Variants in KCTD1 observed in about 807,000 individuals in gnomAD.
KCTD1 encodes the protein potassium channel tetramerization domain containing 1, also known as BTB/POZ domain-containing protein KCTD1.
Under a neutral mutation model 66.0 loss-of-function variants are expected in KCTD1, and 24 were observed. The ratio of observed to expected loss-of-function variants is 0.36; its 90% confidence interval spans 0.26 to 0.51. The LOEUF is 0.51. KCTD1 is among the 20% of genes least tolerant of loss of function. KCTD1 has a pLI of 0.95. For synonymous variants in KCTD1, 511 were observed against 517.2 expected (o/e 0.99, Z 0.16); for missense variants, 943 against 1,205.2 (o/e 0.78, Z 3.22).
intron 1 of KCTD1, among the ~76,000 whole-genome samples, chr18:26,612,242 C>G (rs1987153834): frequency 6.6e-6 from 1 of 152,114 alleles, no homozygotes; most frequent in African/African-American, 2.4e-5. Flanking sequence ...ACTCTGGCAG[C>G]CTTGGTGTCC....
chr18:26,476,834 C>T lies in KCTD1; in HGVS notation c.1989-175G>A. On this transcript the variant is annotated intron_variant, in intron 2 of 4. Transcript: ENST00000580059. This position sits in a 1 kb window ranked among gnomAD's most constrained non-coding sequence, Gnocchi z 4.9. ...CTTGATAAATATCTCAGGACGAGAC[C>T]ATTCAAAATAGTCCTAGGCTTTGTC... 1 of 586,034 alleles carries T rather than the reference C, an allele frequency of 1.7e-6. No homozygotes were observed. The highest frequency in any genetic ancestry group is 3.0e-6 in the Non-Finnish European group (1 of 336,978). 36.3% of individuals were successfully genotyped at this position (586,034 alleles called of 1,614,324 possible).
At chr18:26,583,861 T>C (rs1986414198) in intron 1 of KCTD1, among the ~76,000 whole-genome samples, 1 of 152,212 alleles carries the variant, frequency 6.6e-6, no homozygotes, top group African/African-American at 2.4e-5. Context: ...GGAGGAAGAT[T>C]ATGACACTCT....
chr18:26,580,424 C>G (rs112585880), intron 1 of KCTD1, among the ~76,000 whole-genome samples: 2,828 of 152,094 alleles, frequency 0.019, 66 homozygotes, highest in African/African-American at 0.063. Context: ...ATCATTCAGT[C>G]AGATCTAAAT....
chr18:26,509,648 T>C (rs1396891293), intron 1 of KCTD1, among the ~76,000 whole-genome samples: 2 of 152,168 alleles, frequency 1.3e-5, no homozygotes, highest in African/African-American at 2.4e-5. Flanking sequence ...CAGACAAAAT[T>C]AGATTGGAAA....
At chr18:26,464,940 C>T (rs962622935) in intron 3 of KCTD1, among the ~76,000 whole-genome samples, 6 of 152,182 alleles carry the variant, frequency 3.9e-5, no homozygotes, top group African/African-American at 1.4e-4. Context: ...AAAGACAGAT[C>T]TCTGTAGCAC....
intron 1 of KCTD1, among the ~76,000 whole-genome samples, chr18:26,569,581 G>A (rs76709814): frequency 0.018 from 2,810 of 152,052 alleles, 64 homozygotes; most frequent in African/African-American, 0.054. Context: ...CAGGTGGGGG[G>A]TGGGGGGTGC....
chr18:26,648,937 CA>C (rs1168734386), intron 1 of KCTD1, among the ~76,000 whole-genome samples: 1 of 152,210 alleles, frequency 6.6e-6, no homozygotes, highest in African/African-American at 2.4e-5. Flanking sequence ...CCTTGAAAAA[CA>C]GTCTGGCACT....
intron 1 of KCTD1, among the ~76,000 whole-genome samples, chr18:26,501,579 C>T (rs1982765817): frequency 6.6e-6 from 1 of 152,202 alleles, no homozygotes; most frequent in Non-Finnish European, 1.5e-5. Context: ...AAAGTCTATT[C>T]ATTCCAAATA....
chr18:26,540,782 T>C (rs1019153741), intron 1 of KCTD1, among the ~76,000 whole-genome samples: 1 of 152,214 alleles, frequency 6.6e-6, no homozygotes, highest in African/African-American at 2.4e-5. Context: ...CAACTGTTTA[T>C]GGTATTGGCA....
At chr18:26,558,179 A>G (rs1349565724) in intron 1 of KCTD1, among the ~76,000 whole-genome samples, 1 of 152,216 alleles carries the variant, frequency 6.6e-6, no homozygotes, top group Non-Finnish European at 1.5e-5. Context: ...AGACATACAA[A>G]TGGCAAACAG....
intron 1 of KCTD1, among the ~76,000 whole-genome samples, chr18:26,612,642 T>C (rs1045325590): frequency 6.6e-6 from 1 of 152,210 alleles, no homozygotes; most frequent in African/African-American, 2.4e-5. Context: ...CCAATGCTGC[T>C]GATATTTTGA....
intron 1 of KCTD1, among the ~76,000 whole-genome samples, chr18:26,501,562 G>C (rs1339235687): frequency 6.6e-6 from 1 of 152,176 alleles, no homozygotes; most frequent in East Asian, 1.9e-4. Context: ...CAACTAGTAT[G>C]ATATGAAAAG....
chr18:26,541,421 T>C (rs888021218), intron 1 of KCTD1, among the ~76,000 whole-genome samples: 1 of 152,246 alleles, frequency 6.6e-6, no homozygotes, highest in East Asian at 1.9e-4. Flanking sequence ...CCCACCTCTG[T>C]TATTTTTGAA....
At chr18:26,514,505 A>G (rs754959319) in intron 1 of KCTD1, among the ~76,000 whole-genome samples, 4 of 149,920 alleles carry the variant, frequency 2.7e-5, no homozygotes, top group Non-Finnish European at 4.4e-5. Context: ...AGCTATGATC[A>G]TGCCACTGCA....
chr18:26,628,768 G>A (rs189711609), intron 1 of KCTD1, among the ~76,000 whole-genome samples: 1 of 152,294 alleles, frequency 6.6e-6, no homozygotes, highest in Non-Finnish European at 1.5e-5. Flanking sequence ...ATGGGGTGGA[G>A]TTATAAGAGC....
chr18:26,475,371 G>C (rs369913675), intron 3 of KCTD1, among the ~76,000 whole-genome samples: 33 of 152,154 alleles, frequency 2.2e-4, no homozygotes, highest in African/African-American at 7.5e-4. Flanking sequence ...ACAATATTGA[G>C]GTTTCCCATC....
chr18:26,518,560 A>G (rs543082951), intron 1 of KCTD1, among the ~76,000 whole-genome samples: 1 of 152,322 alleles, frequency 6.6e-6, no homozygotes, highest in Admixed American at 6.5e-5. Flanking sequence ...CATGGCGCCC[A>G]GCCAAAGCTA....
At chr18:26,467,409 C>T (rs55829126) in intron 3 of KCTD1, among the ~76,000 whole-genome samples, 28,855 of 151,874 alleles carry the variant, frequency 0.19, 3,008 homozygotes, top group Admixed American at 0.2. Flanking sequence ...CCAGCTACTT[C>T]GGGGGCGCTG....
intron 1 of KCTD1, among the ~76,000 whole-genome samples, chr18:26,507,701 CT>C (rs1213164495): frequency 5.9e-4 from 87 of 147,338 alleles, no homozygotes; most frequent in Middle Eastern, 3.5e-3. Context: ...TGACACTATA[CT>C]TTTTTTTTTT....
Sources: allele counts gnomAD v4.1 joint callset (sites outside exome capture counted in the v4.1 genomes callset), GRCh38; gene constraint gnomAD v4.1.1; non-coding constraint Gnocchi (gnomAD v3.1); transcripts MANE v1.5; gene names NCBI Gene and HGNC (gene_info 2026-07-23, HGNC 2026-07-21).